CNNM4: variants seen among roughly 807,000 people sequenced by gnomAD.
CNNM4 encodes the protein cyclin and CBS domain divalent metal cation transport mediator 4.
Under a neutral mutation model 53.7 loss-of-function variants are expected in CNNM4, and 32 were observed. That is an observed-to-expected ratio of 0.60 (90% CI 0.45 to 0.80). CNNM4 has a LOEUF of 0.80. Ranked by LOEUF, CNNM4 falls within the 30% of genes least tolerant of loss-of-function variation. The pLI, the probability that CNNM4 is intolerant of heterozygous loss-of-function variation, is 0.00. For synonymous variants in CNNM4, 410 were observed against 440.0 expected (o/e 0.93, Z 0.85); for missense variants, 784 against 1,022.0 (o/e 0.77, Z 3.17).
chr2:96,801,108 G>A lies in CNNM4; in HGVS notation c.1948+1460G>A, dbSNP rs138447961. On this transcript the variant is annotated intron_variant, in intron 5 of 6. Coordinates refer to ENST00000377075, the MANE Select transcript of CNNM4 (RefSeq NM_020184.4). The surrounding 1 kb of genome is among the most constrained non-coding windows in gnomAD (Gnocchi z 5.6). ...CAGGTCGGGTGTCCGCCTGGCAAGC[G>A]GAACTCCCTGCTCTGCTGGCTCACA... The A allele has an allele frequency of 3.7e-4, 362 of 985,398 alleles. 1 individual carries two copies. The African/African-American group carries it at 5.3e-3, about 14-fold the overall frequency. The allele number at this position is 985,398 out of a possible 1,614,324, so 61.0% of individuals were successfully genotyped here.
intron 1 of CNNM4, among the ~76,000 whole-genome samples, chr2:96,773,421 T>C (rs2078896409): frequency 6.6e-6 from 1 of 152,204 alleles, no homozygotes; most frequent in Non-Finnish European, 1.5e-5. Context: ...TTGACACTGA[T>C]GCCAACCTGT....
intron 5 of CNNM4, among the ~76,000 whole-genome samples, chr2:96,806,131 G>A (rs867598611): frequency 7.0e-6 from 1 of 143,746 alleles, no homozygotes; most frequent in Non-Finnish European, 1.5e-5. Context: ...GCGGGGGGCT[G>A]ACCCCCCCAC....
chr2:96,783,318 G>A (rs967813637), intron 1 of CNNM4, among the ~76,000 whole-genome samples: 3 of 152,180 alleles, frequency 2.0e-5, no homozygotes, highest in African/African-American at 7.2e-5. Flanking sequence ...CTGAGAATAC[G>A]GACTGGGTGG....
At chr2:96,802,184 A>G (rs1400039616) in intron 5 of CNNM4, among the ~76,000 whole-genome samples, 4 of 151,992 alleles carry the variant, frequency 2.6e-5, no homozygotes, top group Non-Finnish European at 5.9e-5. Context: ...ACACACACAC[A>G]CAGATACCAC....
Position 96,801,955 on chromosome 2 carries a change from A to G in CNNM4, c.1948+2307A>G, listed in dbSNP as rs986101618. Among the ~76,000 whole-genome samples, 2 of 150,304 alleles carry G rather than the reference A, an allele frequency of 1.3e-5. No homozygotes were observed. The highest frequency in any genetic ancestry group is 4.9e-5 in the African/African-American group (2 of 40,730). On this transcript the variant is annotated intron_variant, in intron 5 of 6. Coordinates refer to ENST00000377075, the MANE Select transcript of CNNM4 (RefSeq NM_020184.4). This position sits in a 1 kb window ranked among gnomAD's most constrained non-coding sequence, Gnocchi z 5.6. ...CACAAACACACACCCATAGGCACAC[A>G]CCCATAGGCACACACACAAAGAGAC...
At chr2:96,783,238 G>A (rs1341600893) in intron 1 of CNNM4, among the ~76,000 whole-genome samples, 1 of 152,176 alleles carries the variant, frequency 6.6e-6, no homozygotes, top group Non-Finnish European at 1.5e-5. Flanking sequence ...GGGATGCTGG[G>A]GCAGGGGCGA....
At chr2:96,778,233 T>C (rs2078943121) in intron 1 of CNNM4, among the ~76,000 whole-genome samples, 1 of 151,702 alleles carries the variant, frequency 6.6e-6, no homozygotes, top group Non-Finnish European at 1.5e-5. Flanking sequence ...ATATTCTTTA[T>C]ATAGTTATGT....
intron 1 of CNNM4, 134 bp from the exon 2 acceptor site, chr2:96,796,878 A>G: frequency 2.3e-6 from 2 of 854,404 alleles, no homozygotes; most frequent in Admixed American, 4.3e-5. Flanking sequence ...ACGTCAGGAA[A>G]GATGGAAAAG....
At position 96,772,253 on chromosome 2, in the gene CNNM4, TACAC is replaced by T. The variant is rs2078879251; in HGVS notation, c.1402+9855_1402+9858del. Among the ~76,000 whole-genome samples, 4 of 127,340 alleles carry T rather than the reference TACAC, an allele frequency of 3.1e-5. No homozygotes were observed. In the South Asian group the frequency reaches 9.3e-4, roughly 30 times the overall value. 83.5% of individuals were successfully genotyped at this position (127,340 alleles called of 152,430 possible). On this transcript the variant is annotated intron_variant, in intron 1 of 6. Transcript: ENST00000377075. Reference sequence around the variant, plus strand: ...CCCCACAAAGGCACAGGCAGGCGCTTACACACCCCATGCGCGCACACACACTCAT... The same window carrying T: ...CCCCACAAAGGCACAGGCAGGCGCTTACCCCATGCGCGCACACACACTCAT...
intron 5 of CNNM4, among the ~76,000 whole-genome samples, chr2:96,805,206 T>TA (rs1372170612): frequency 6.6e-6 from 1 of 151,934 alleles, no homozygotes; most frequent in Non-Finnish European, 1.5e-5. Context: ...CTTGATCCTC[T>TA]AATGATCCTC....
At chr2:96,793,189 G>A (rs1253903919) in intron 1 of CNNM4, among the ~76,000 whole-genome samples, 4 of 152,074 alleles carry the variant, frequency 2.6e-5, no homozygotes, top group African/African-American at 9.7e-5. Flanking sequence ...GGAAAGGAGG[G>A]AGTCACCGTT....
chr2:96,784,947 G>A (rs2079003609), intron 1 of CNNM4, among the ~76,000 whole-genome samples: 2 of 152,134 alleles, frequency 1.3e-5, no homozygotes, highest in Admixed American at 6.6e-5. Context: ...TTGCAGTCTT[G>A]GCTCACTGCA....
chr2:96,790,151 C>T (rs910916100), intron 1 of CNNM4, among the ~76,000 whole-genome samples: 1 of 149,824 alleles, frequency 6.7e-6, no homozygotes, highest in African/African-American at 2.5e-5. Context: ...GGACTACAGG[C>T]GTCCACCACC....
In CNNM4 at chr2:96,800,544, C is replaced by T. The variant is rs968228474; in HGVS notation, c.1948+896C>T. Among the ~76,000 whole-genome samples the T allele has an allele frequency of 3.9e-5, 6 of 152,194 alleles. No individual in the cohort carries two copies. Among genetic ancestry groups the T allele is most frequent in the East Asian group, 3.9e-4 (2 of 5,184 alleles). On this transcript the variant is annotated intron_variant, in intron 5 of 6. Transcript: ENST00000377075. This position sits in a 1 kb window ranked among gnomAD's most constrained non-coding sequence, Gnocchi z 4.6. ...CAGCTTGGCTTATCCACCATGTCCT[C>T]GGCCCCTCCACCAGATGAGTGGGGC...
At chr2:96,799,485 C>A in intron 4 of CNNM4, 67 bp from the exon 5 acceptor site, 1 of 1,405,140 alleles carries the variant, frequency 7.1e-7, no homozygotes, top group Non-Finnish European at 9.9e-7. Flanking sequence ...TTCCTCACTC[C>A]CCATCCTGCC....
Position 96,808,731 on chromosome 2 carries a change from C to T in CNNM4, c.2119C>T (p.Gln707Ter), listed in dbSNP as rs774796340. The T allele has an allele frequency of 1.2e-6, 2 of 1,614,112 alleles. No homozygotes were observed. The highest frequency in any genetic ancestry group is 1.7e-6 in the Non-Finnish European group (2 of 1,179,980). The change falls in exon 6 of 7, where the codon CAG (glutamine) becomes TAG (stop). Residue 707 changes from glutamine (Q) to a stop codon, truncating the protein, a stop_gained. Transcript: ENST00000377075. LOFTEE classifies it high-confidence loss of function. The surrounding 1 kb of genome is among the most constrained non-coding windows in gnomAD (Gnocchi z 4.9). ...CAGCGTCCGGGCACTCGTGGACTTGCAGTACATCAAGGTGAGTGCCTCACT... is the reference window on the plus strand; with the variant it reads ...CAGCGTCCGGGCACTCGTGGACTTGTAGTACATCAAGGTGAGTGCCTCACT... ...DFSVRALVDL[Q>*]YIKITRQQYQ...
At chr2:96,792,649 A>G (rs2079071881) in intron 1 of CNNM4, among the ~76,000 whole-genome samples, 1 of 151,988 alleles carries the variant, frequency 6.6e-6, no homozygotes, top group African/African-American at 2.4e-5. Flanking sequence ...CTAAAAATAC[A>G]AAAAATTAGC....
intron 1 of CNNM4, among the ~76,000 whole-genome samples, chr2:96,781,285 C>T (rs932870568): frequency 3.3e-5 from 5 of 151,884 alleles, no homozygotes; most frequent in African/African-American, 1.2e-4. Flanking sequence ...GGCCTGATCT[C>T]GAACTCTTGA....
At chr2:96,805,418 G>GTTTTTTTTTTTT (rs898761608) in intron 5 of CNNM4, among the ~76,000 whole-genome samples, 217 of 75,822 alleles carry the variant, frequency 2.9e-3, no homozygotes, top group Middle Eastern at 0.021. Flanking sequence ...CTTCTTTTCA[G>GTTTTTTTTTTTT]TTTTTTTTTT....
Sources: gnomAD v4.1 joint callset for allele counts (sites outside exome capture counted in the v4.1 genomes callset) on GRCh38, gnomAD v4.1.1 for gene constraint, Gnocchi (gnomAD v3.1) non-coding constraint, MANE v1.5 for transcripts, NCBI Gene and HGNC (gene_info 2026-07-23, HGNC 2026-07-21) for gene names.